Variants in KTN1 observed in about 807,000 individuals in gnomAD.
KTN1 encodes the protein kinectin 1.
Under a neutral mutation model 222.5 loss-of-function variants are expected in KTN1, and 130 were observed. The ratio of observed to expected loss-of-function variants is 0.58; its 90% CI spans 0.51 to 0.68. The LOEUF (loss-of-function observed/expected upper bound fraction) is 0.68. Ranked by LOEUF, KTN1 falls within the 30% of genes least tolerant of loss-of-function variation. KTN1 has a pLI of 0.00. For synonymous variants in KTN1, 512 were observed against 496.3 expected (o/e 1.03, Z -0.42); for missense variants, 1,508 against 1,500.4 (o/e 1.01, Z -0.08).
chr14:55,609,544 A>G (rs1401786130), intron 1 of KTN1, among the ~76,000 whole-genome samples: 1 of 152,218 alleles, frequency 6.6e-6, no homozygotes, highest in Non-Finnish European at 1.5e-5. Flanking sequence ...GAAAATCATT[A>G]AAACATTTGA....
In KTN1 at chr14:55,618,023, G is replaced by C; in HGVS notation, c.721G>C (p.Asp241His). 1 of 1,612,344 alleles carries C rather than the reference G, an allele frequency of 6.2e-7. No individual in the cohort carries two copies. Among genetic ancestry groups the C allele is most frequent in the Non-Finnish European group, 8.5e-7 (1 of 1,178,806 alleles). Reference sequence around the variant, plus strand: ...TTATATTCCTTTGATGGATAATGCTGACTCAAGTCCTGTGGTAGATAAGAG... The same window carrying C: ...TTATATTCCTTTGATGGATAATGCTCACTCAAGTCCTGTGGTAGATAAGAG... ...TTYIPLMDNA[D>H]SSPVVDKREV... The change falls in exon 4 of 44, where the codon GAC becomes CAC. Residue 241 changes from aspartate to histidine, a missense_variant. Asp to His is a moderately conservative substitution (Grantham distance 81, BLOSUM62 -1). Coordinates refer to ENST00000395314, the MANE Select transcript of KTN1 (RefSeq NM_001079521.2).
intron 43 of KTN1, chr14:55,680,800 C>A: frequency 1.1e-6 from 1 of 886,920 alleles, no homozygotes; most frequent in Non-Finnish European, 1.7e-6. Flanking sequence ...TTCAACATAT[C>A]AACAAAAGTA....
intron 1 of KTN1, among the ~76,000 whole-genome samples, chr14:55,590,970 G>T (rs570917600): frequency 6.6e-6 from 1 of 152,110 alleles, no homozygotes; most frequent in African/African-American, 2.4e-5. Flanking sequence ...CACCATGCCC[G>T]GCCCAGGATA....
intron 3 of KTN1, among the ~76,000 whole-genome samples, chr14:55,617,540 A>G (rs1233518890): frequency 6.6e-6 from 1 of 152,220 alleles, no homozygotes; most frequent in African/African-American, 2.4e-5. Context: ...TGGTTTTTGC[A>G]CTTAGCAAGT....
At chr14:55,603,213 T>A (rs531924086) in intron 1 of KTN1, among the ~76,000 whole-genome samples, 14 of 152,188 alleles carry the variant, frequency 9.2e-5, no homozygotes, top group Admixed American at 3.3e-4. Context: ...TCTCCCATCT[T>A]TAAAAACCAA....
intron 2 of KTN1, among the ~76,000 whole-genome samples, chr14:55,615,321 ACT>A (rs1211462923): frequency 1.3e-5 from 2 of 151,516 alleles, no homozygotes; most frequent in East Asian, 1.9e-4. Flanking sequence ...TCCAAATGAA[ACT>A]CTGTACGCAT....
intron 18 of KTN1, chr14:55,644,223 T>A: frequency 2.0e-6 from 1 of 506,338 alleles, no homozygotes; most frequent in Non-Finnish European, 3.5e-6. Context: ...AATCTTAATT[T>A]CTGTCATTTC....
Position 55,656,109 on chromosome 14 carries a change from T to C in KTN1, c.2869T>C (p.Ser957Pro), listed in dbSNP as rs1040226404. 7.5e-6 allele frequency: 12 copies of C among 1,607,586 alleles called. No individual in the cohort carries two copies. The highest frequency in any genetic ancestry group is 6.7e-5 in the Admixed American group (4 of 59,956). Reference sequence around the variant, plus strand: ...GCTAAAAGAGAGGGAGAGTGATCTTTCTAGCAAAACACAGCTGTTACAGGT... The same window carrying C: ...GCTAAAAGAGAGGGAGAGTGATCTTCCTAGCAAAACACAGCTGTTACAGGT... ...AMLKERESDL[S>P]SKTQLLQDVQ... Residue 957 changes from serine to proline, a missense_variant, in exon 29 of 44, where the codon TCT becomes CCT. Transcript: ENST00000395314.
intron 1 of KTN1, among the ~76,000 whole-genome samples, chr14:55,602,986 T>C (rs188704276): frequency 1.5e-4 from 23 of 152,338 alleles, no homozygotes; most frequent in Admixed American, 1.5e-3. Flanking sequence ...ACCGTCTACC[T>C]CCTTTCCTGT....
In KTN1 at chr14:55,648,789, G is replaced by A; in HGVS notation, c.2299-13G>A. ...GAGTAAAATCATGTTTTGCTTATGT[G>A]TCTTTGAAAAAGGCAATAAGAACAG... On this transcript the variant is annotated splice_polypyrimidine_tract_variant and intron_variant, in intron 20 of 43. Coordinates refer to ENST00000395314, the MANE Select transcript of KTN1 (RefSeq NM_001079521.2). 4.5e-6 allele frequency: 7 copies of A among 1,567,076 alleles called. No individual in the cohort carries two copies. The highest frequency in any genetic ancestry group is 5.3e-6 in the Non-Finnish European group (6 of 1,140,132).
intron 1 of KTN1, among the ~76,000 whole-genome samples, chr14:55,593,159 CTTTG>C (rs1267615009): frequency 5.3e-5 from 8 of 151,926 alleles, no homozygotes; most frequent in South Asian, 4.1e-4. Context: ...TTTCAATTCT[CTTTG>C]TTTGGCAACC....
intron 1 of KTN1, among the ~76,000 whole-genome samples, chr14:55,603,580 CTGT>C (rs1170243883): frequency 3.3e-5 from 5 of 152,168 alleles, no homozygotes; most frequent in Non-Finnish European, 7.4e-5. Context: ...CTTCATTTTC[CTGT>C]TGTTGAATTT....
At position 55,630,066 on chromosome 14, in the gene KTN1, G is replaced by T; in HGVS notation, c.1190G>T (p.Ser397Ile). Reference sequence around the variant, plus strand: ...GTATTTCAAAACAAAATACATGTCAGTTATCAAGAGACTCAACAGATGCAG... The same window carrying T: ...GTATTTCAAAACAAAATACATGTCATTTATCAAGAGACTCAACAGATGCAG... ...HNVFQNKIHV[S>I]YQETQQMQMK... Residue 397 changes from serine to isoleucine, a missense_variant, in exon 7 of 44, where the codon AGT (serine) becomes ATT (isoleucine). Physicochemically the swap from Ser to Ile is moderately radical, Grantham distance 142. Coordinates refer to ENST00000395314, the MANE Select transcript of KTN1 (RefSeq NM_001079521.2). The T allele has an allele frequency of 6.2e-7, 1 of 1,609,486 alleles. No homozygotes were observed. Among genetic ancestry groups the T allele is most frequent in the East Asian group, 2.2e-5 (1 of 44,808 alleles).
intron 40 of KTN1, chr14:55,674,609 G>C (rs1393187411): frequency 1.3e-5 from 2 of 152,094 alleles, no homozygotes; most frequent in Non-Finnish European, 2.9e-5. Flanking sequence ...CTCACTCTAT[G>C]TTTTTAAAAA....
chr14:55,597,047 T>C (rs531979256), intron 1 of KTN1, among the ~76,000 whole-genome samples: 39 of 151,450 alleles, frequency 2.6e-4, no homozygotes, highest in African/African-American at 9.4e-4. Flanking sequence ...ATACTGTATA[T>C]ATGAAGGATT....
At chr14:55,635,300 C>T (rs928965092) in intron 9 of KTN1, among the ~76,000 whole-genome samples, 1 of 152,000 alleles carries the variant, frequency 6.6e-6, no homozygotes, top group African/African-American at 2.4e-5. Context: ...AGAATTTTAT[C>T]ATATATATGG....
At chr14:55,668,834 T>C (rs777796231) in intron 34 of KTN1, 5 of 152,116 alleles carry the variant, frequency 3.3e-5, no homozygotes, top group Non-Finnish European at 7.4e-5. Context: ...GTTCTATTTG[T>C]AGTCTGAGTT....
intron 7 of KTN1, among the ~76,000 whole-genome samples, chr14:55,631,192 T>C (rs969068112): frequency 2.0e-5 from 3 of 151,816 alleles, no homozygotes; most frequent in African/African-American, 7.3e-5. Context: ...GCTTGCTTGG[T>C]GGTCATGTAA....
chr14:55,649,028 C>T (rs1050565549), intron 21 of KTN1, among the ~76,000 whole-genome samples, 158 bp downstream of exon 21: 3 of 152,118 alleles, frequency 2.0e-5, no homozygotes, highest in Admixed American at 6.6e-5. Flanking sequence ...TGGGCTCAAC[C>T]GATAACTCCT....
Sources: allele counts gnomAD v4.1 joint callset (sites outside exome capture counted in the v4.1 genomes callset), GRCh38; gene constraint gnomAD v4.1.1; transcripts MANE v1.5; gene names NCBI Gene and HGNC (gene_info 2026-07-23, HGNC 2026-07-21).